Variants in SLCO4C1 observed in about 807,000 individuals in gnomAD.
SLCO4C1 encodes organic anion transporter M1.
A neutral mutation model predicts 72.1 loss-of-function variants in SLCO4C1; 58 were observed. The observed-to-expected ratio is 0.80, with a 90% CI of 0.65 to 1.00. The LOEUF (loss-of-function observed/expected upper bound fraction) is 1.00, where lower values mean the gene tolerates loss of function less well. SLCO4C1 is among the 50% of genes least tolerant of loss of function. The pLI is 0.00. For missense variants in SLCO4C1, 898 were observed against 857.9 expected (o/e 1.05, Z -0.58); for synonymous variants, 297 against 312.5 (o/e 0.95, Z 0.52).
In SLCO4C1 at chr5:102,296,272, G is replaced by C; in HGVS notation, c.-10C>G. The stretch of plus-strand genomic sequence containing the variant: ...CTTTGGCGCTCTTCATGTCTGGATG[G>C]GTTCTCCCGACTCCGGTGCTTCAGA... On this transcript the variant is annotated 5_prime_UTR_variant, in exon 1 of 13. Transcript: ENST00000310954. The C allele has an allele frequency of 6.6e-7, 1 of 1,514,188 alleles. No homozygotes were observed. The highest frequency in any genetic ancestry group is 8.8e-7 in the Non-Finnish European group (1 of 1,130,982). The allele number at this position is 1,514,188 out of a possible 1,614,324, so 93.8% of individuals were successfully genotyped here. A position where few individuals can be genotyped will look rare whatever the true frequency, so the allele number is the denominator to read the frequency against.
chr5:102,280,443 TG>T (rs59889085), intron 2 of SLCO4C1, among the ~76,000 whole-genome samples: 3,791 of 151,886 alleles, frequency 0.025, 158 homozygotes, highest in African/African-American at 0.087. Flanking sequence ...AAAATACTGA[TG>T]AAAAAAATTA....
intron 2 of SLCO4C1, among the ~76,000 whole-genome samples, chr5:102,290,169 C>A (rs1468798829): frequency 6.6e-6 from 1 of 152,160 alleles, no homozygotes; most frequent in African/African-American, 2.4e-5. Flanking sequence ...AGCCAGAGAT[C>A]ACAGAGATCA....
chr5:102,289,956 T>C (rs1490232056), intron 2 of SLCO4C1, among the ~76,000 whole-genome samples: 1 of 152,228 alleles, frequency 6.6e-6, no homozygotes, highest in Admixed American at 6.5e-5. Context: ...CATTCTAGAA[T>C]TGGAAAATTG....
intron 2 of SLCO4C1, among the ~76,000 whole-genome samples, chr5:102,280,170 T>C: frequency 6.8e-6 from 1 of 148,032 alleles, no homozygotes; most frequent in East Asian, 2.0e-4. Context: ...AAACTGTTCC[T>C]ATGTGCAGAA....
intron 12 of SLCO4C1, 41 bp from the exon 13 acceptor site, chr5:102,237,059 A>C (rs1233204304): frequency 6.6e-7 from 1 of 1,517,980 alleles, no homozygotes; most frequent in African/African-American, 1.4e-5. Context: ...TTTGTTTTTA[A>C]TTATGATAAA....
intron 2 of SLCO4C1, among the ~76,000 whole-genome samples, chr5:102,284,787 C>G (rs1580266529): frequency 6.6e-6 from 1 of 152,152 alleles, no homozygotes; most frequent in East Asian, 1.9e-4. Context: ...CTCTACCTAC[C>G]AGCAAACTAT....
intron 2 of SLCO4C1, among the ~76,000 whole-genome samples, chr5:102,274,806 C>A (rs528924177): frequency 6.6e-6 from 1 of 152,242 alleles, no homozygotes; most frequent in East Asian, 1.9e-4. Context: ...CAGCCTCACT[C>A]CTCATCTCCT....
intron 2 of SLCO4C1, among the ~76,000 whole-genome samples, chr5:102,271,346 C>T (rs545226360): frequency 2.0e-5 from 3 of 150,736 alleles, no homozygotes; most frequent in South Asian, 4.2e-4. Flanking sequence ...TTGTATTATA[C>T]ATAGGTTTAG....
At chr5:102,239,046 G>A (rs1435853969) in intron 12 of SLCO4C1, among the ~76,000 whole-genome samples, 2 of 152,076 alleles carry the variant, frequency 1.3e-5, no homozygotes, top group Non-Finnish European at 2.9e-5. Flanking sequence ...CTTGTATTTA[G>A]TACTGAGCCT....
chr5:102,284,470 T>C (rs2548724), intron 2 of SLCO4C1, among the ~76,000 whole-genome samples: 123,197 of 152,104 alleles, frequency 0.81, 50,521 homozygotes, highest in African/African-American at 0.94. Context: ...CACTGCCTCA[T>C]TTACCTAGAG....
At chr5:102,270,530 C>T (rs1580257455) in intron 3 of SLCO4C1, 94 bp downstream of exon 3, 1 of 1,109,188 alleles carries the variant, frequency 9.0e-7, no homozygotes, top group African/African-American at 1.6e-5. Flanking sequence ...GGCATTACAA[C>T]TAACTTTTTA....
chr5:102,257,330 T>C lies in SLCO4C1; in HGVS notation c.1274-20A>G. The C allele has an allele frequency of 6.4e-7, 1 of 1,561,112 alleles. No individual in the cohort carries two copies. The highest frequency in any genetic ancestry group is 8.6e-7 in the Non-Finnish European group (1 of 1,158,732). On this transcript the variant is annotated intron_variant, in intron 7 of 12. Coordinates refer to ENST00000310954, the MANE Select transcript of SLCO4C1 (RefSeq NM_180991.5). ...CAGCCCCTAATAAGAAAAAAGAATG[T>C]AGATTGTGAGAAACCATACACATAT...
intron 2 of SLCO4C1, among the ~76,000 whole-genome samples, chr5:102,284,416 A>G (rs116231488): frequency 0.011 from 1,648 of 152,314 alleles, 23 homozygotes; most frequent in Non-Finnish European, 0.018. Flanking sequence ...AAATTCACAT[A>G]GTTAAACCTA....
rs941599340 is a variant in SLCO4C1 at position 102,291,615 on chromosome 5, C to T, written c.356-9G>A. 1 of 1,592,346 alleles carries T rather than the reference C, an allele frequency of 6.3e-7. No homozygotes were observed. The highest frequency in any genetic ancestry group is 1.4e-5 in the African/African-American group (1 of 73,814). ...GCCATTAACTACAATACCTAAAAAACAGAAAAGTTGATGTGCATCATTAAT... is the reference window on the plus strand; with the variant it reads ...GCCATTAACTACAATACCTAAAAAATAGAAAAGTTGATGTGCATCATTAAT... On this transcript the variant is annotated splice_polypyrimidine_tract_variant and intron_variant, in intron 1 of 12. Coordinates refer to ENST00000310954, the MANE Select transcript of SLCO4C1 (RefSeq NM_180991.5).
At chr5:102,285,677 T>C (rs772384384) in intron 2 of SLCO4C1, among the ~76,000 whole-genome samples, 26 of 152,186 alleles carry the variant, frequency 1.7e-4, no homozygotes, top group Non-Finnish European at 3.1e-4. Flanking sequence ...CATTAACTAT[T>C]GCTAAAAGGT....
intron 5 of SLCO4C1, among the ~76,000 whole-genome samples, chr5:102,260,688 CT>C (rs909709581): frequency 1.3e-5 from 2 of 151,852 alleles, no homozygotes; most frequent in African/African-American, 4.8e-5. Flanking sequence ...TTTTTTCTTC[CT>C]TTCAAATGGT....
At chr5:102,270,874 T>C in intron 2 of SLCO4C1, 68 bp from the exon 3 acceptor site, 1 of 1,228,502 alleles carries the variant, frequency 8.1e-7, no homozygotes, top group South Asian at 1.6e-5. Flanking sequence ...ATCATATAAA[T>C]TACACTTGCC....
intron 5 of SLCO4C1, among the ~76,000 whole-genome samples, chr5:102,260,929 G>C (rs452857): frequency 1.3e-5 from 2 of 152,008 alleles, no homozygotes; most frequent in Non-Finnish European, 2.9e-5. Flanking sequence ...CTGTCAGATT[G>C]TCTCTTGCCC....
At chr5:102,250,726 C>T (rs960560214) in intron 8 of SLCO4C1, among the ~76,000 whole-genome samples, 15 of 152,156 alleles carry the variant, frequency 9.9e-5, no homozygotes, top group Non-Finnish European at 2.1e-4. Flanking sequence ...CGGTGGCTTA[C>T]ACCTGTAATC....
Sources: allele counts gnomAD v4.1 joint callset (sites outside exome capture counted in the v4.1 genomes callset), GRCh38; gene constraint gnomAD v4.1.1; transcripts MANE v1.5; gene names NCBI Gene and HGNC (gene_info 2026-07-23, HGNC 2026-07-21).